SUCLG2: variants seen among roughly 807,000 people sequenced by gnomAD.
SUCLG2 encodes succinate-CoA ligase GDP-forming subunit beta.
SUCLG2 carries 42 observed loss-of-function variants against 47.9 expected under a neutral mutation model. The ratio of observed to expected loss-of-function variants is 0.88; its 90% CI spans 0.69 to 1.14. The LOEUF (loss-of-function observed/expected upper bound fraction) is 1.14, where lower values mean the gene tolerates loss of function less well. SUCLG2 is among the 50% of genes most tolerant of loss of function. The pLI, the probability that SUCLG2 is intolerant of heterozygous loss-of-function variation, is 0.00. For missense variants in SUCLG2, 571 were observed against 525.9 expected, an observed-to-expected ratio of 1.09 and a Z score of -0.84; for synonymous variants, 195 against 197.3, an observed-to-expected ratio of 0.99 and a Z score of 0.10.
At chr3:67,404,239 G>A (rs1008927295) in intron 9 of SUCLG2, among the ~76,000 whole-genome samples, 3 of 152,008 alleles carry the variant, frequency 2.0e-5, no homozygotes, top group African/African-American at 7.2e-5. Flanking sequence ...TCCCTGAAAC[G>A]CCGAAGAGAA....
chr3:67,649,272 A>G (rs1012933071), intron 1 of SUCLG2, among the ~76,000 whole-genome samples: 2 of 152,314 alleles, frequency 1.3e-5, no homozygotes, highest in African/African-American at 4.8e-5. Flanking sequence ...GTATAACTAC[A>G]GGTTTATAGG....
chr3:67,550,893 A>G (rs767114377), intron 2 of SUCLG2, among the ~76,000 whole-genome samples: 6 of 151,014 alleles, frequency 4.0e-5, no homozygotes, highest in Middle Eastern at 3.4e-3. Context: ...TACTATGAGT[A>G]TTAAACGGGG....
chr3:67,526,995 A>T (rs940069960), intron 4 of SUCLG2, among the ~76,000 whole-genome samples: 2 of 152,376 alleles, frequency 1.3e-5, no homozygotes, highest in East Asian at 3.9e-4. Context: ...ATTGCTACAT[A>T]GCAAGAAAAA....
chr3:67,607,527 C>T (rs1700443280), intron 2 of SUCLG2, among the ~76,000 whole-genome samples: 1 of 152,020 alleles, frequency 6.6e-6, no homozygotes, highest in Non-Finnish European at 1.5e-5. Flanking sequence ...AGACCGACAC[C>T]TACAAAGTCT....
intron 1 of SUCLG2, among the ~76,000 whole-genome samples, chr3:67,617,993 A>C (rs945373928): frequency 6.6e-6 from 1 of 152,226 alleles, no homozygotes; most frequent in Non-Finnish European, 1.5e-5. Flanking sequence ...ATTGTTTTAA[A>C]TACATTTGTA....
chr3:67,473,379 A>G (rs1245197781), intron 9 of SUCLG2, among the ~76,000 whole-genome samples: 1 of 152,150 alleles, frequency 6.6e-6, no homozygotes, highest in African/African-American at 2.4e-5. Context: ...ATGGAGCTCA[A>G]TTATTTAGGA....
At chr3:67,427,573 C>G (rs1703333870) in intron 9 of SUCLG2, among the ~76,000 whole-genome samples, 2 of 152,138 alleles carry the variant, frequency 1.3e-5, no homozygotes, top group Admixed American at 1.3e-4. Context: ...AGGGTGATTT[C>G]TCCATTTCCA....
chr3:67,493,723 A>G (rs1336797761), intron 9 of SUCLG2, among the ~76,000 whole-genome samples: 6 of 152,026 alleles, frequency 3.9e-5, no homozygotes, highest in African/African-American at 1.4e-4. Flanking sequence ...TGGTTCAAGC[A>G]GCTTAAGGAG....
intron 9 of SUCLG2, among the ~76,000 whole-genome samples, chr3:67,483,236 T>TA (rs557606439): frequency 1.5e-4 from 22 of 146,546 alleles, no homozygotes; most frequent in South Asian, 6.5e-4. Flanking sequence ...GGACAAAACT[T>TA]AAAAAAAAAA....
intron 9 of SUCLG2, among the ~76,000 whole-genome samples, chr3:67,449,648 C>G (rs530719353): frequency 6.6e-6 from 1 of 151,986 alleles, no homozygotes; most frequent in South Asian, 2.1e-4. Context: ...CATAGTCTCA[C>G]TCTGTTGCCC....
At chr3:67,637,064 C>A (rs1701023339) in intron 1 of SUCLG2, among the ~76,000 whole-genome samples, 1 of 152,046 alleles carries the variant, frequency 6.6e-6, no homozygotes, top group Non-Finnish European at 1.5e-5. Context: ...AGGGGCAGCT[C>A]AGTCTCAGGT....
chr3:67,484,286 C>A (rs1474652219), intron 9 of SUCLG2, among the ~76,000 whole-genome samples: 1 of 152,166 alleles, frequency 6.6e-6, no homozygotes, highest in Non-Finnish European at 1.5e-5. Context: ...CATTGTATTA[C>A]AGTCTTGCCA....
chr3:67,553,086 C>T (rs1707060733), intron 2 of SUCLG2, among the ~76,000 whole-genome samples: 1 of 152,210 alleles, frequency 6.6e-6, no homozygotes, highest in South Asian at 2.1e-4. Context: ...CATCTCCCAT[C>T]CCAACCAAGA....
At chr3:67,458,402 A>G (rs1704241109) in intron 9 of SUCLG2, among the ~76,000 whole-genome samples, 1 of 152,116 alleles carries the variant, frequency 6.6e-6, no homozygotes, top group Admixed American at 6.6e-5. Context: ...CTCCTATAAT[A>G]AGTCGAGGGG....
intron 1 of SUCLG2, among the ~76,000 whole-genome samples, chr3:67,631,703 T>C (rs1266042613): frequency 1.3e-5 from 2 of 152,182 alleles, no homozygotes; most frequent in African/African-American, 2.4e-5. Flanking sequence ...TTTTACCTCA[T>C]AACACCTCTC....
chr3:67,624,941 G>C (rs1383684224), intron 1 of SUCLG2, among the ~76,000 whole-genome samples: 1 of 152,174 alleles, frequency 6.6e-6, no homozygotes, highest in African/African-American at 2.4e-5. Flanking sequence ...CACACAAAAA[G>C]ACTCTTACAA....
intron 1 of SUCLG2, among the ~76,000 whole-genome samples, chr3:67,629,119 T>C (rs1005047083): frequency 3.3e-5 from 5 of 152,224 alleles, no homozygotes; most frequent in African/African-American, 4.8e-5. Context: ...CTGAGCACCA[T>C]ATTGAGTTAA....
At chr3:67,557,977 A>C (rs937517946) in intron 2 of SUCLG2, among the ~76,000 whole-genome samples, 1 of 152,156 alleles carries the variant, frequency 6.6e-6, no homozygotes, top group African/African-American at 2.4e-5. Flanking sequence ...ATATGATTAA[A>C]CTGCTTCCCT....
chr3:67,501,565 T>C (rs1433332932), intron 7 of SUCLG2, among the ~76,000 whole-genome samples: 3 of 152,102 alleles, frequency 2.0e-5, no homozygotes, highest in Non-Finnish European at 4.4e-5. Context: ...TTCTGGGAGA[T>C]AGGAGAGTCT....
Sources: gnomAD v4.1 joint callset for allele counts (sites outside exome capture counted in the v4.1 genomes callset) on GRCh38, gnomAD v4.1.1 for gene constraint, MANE v1.5 for transcripts, NCBI Gene and HGNC (gene_info 2026-07-23, HGNC 2026-07-21) for gene names.